Variants in MND1 observed in about 807,000 individuals in gnomAD.
MND1 encodes the protein meiotic nuclear divisions 1.
Under a neutral mutation model 35.1 loss-of-function variants are expected in MND1, and 28 were observed. The observed-to-expected ratio is 0.80, with a 90% confidence interval of 0.59 to 1.09. The LOEUF (loss-of-function observed/expected upper bound fraction) is 1.09, where lower values mean the gene tolerates loss of function less well. MND1 is among the 50% of genes least tolerant of loss of function. MND1 has a pLI of 0.00. For missense variants in MND1, 213 were observed against 239.6 expected (o/e 0.89, Z 0.73); for synonymous variants, 69 against 70.5 (o/e 0.98, Z 0.11).
At chr4:153,379,326 A>AAAAG (rs1393290868) in intron 4 of MND1, among the ~76,000 whole-genome samples, 7 of 110,214 alleles carry the variant, frequency 6.4e-5, no homozygotes, top group African/African-American at 2.7e-4. Flanking sequence ...AGAAGAAAAG[A>AAAAG]AAAAAAAAAA....
At position 153,394,195 on chromosome 4, in the gene MND1, TG is replaced by T. The variant is rs1729135570; in HGVS notation, c.277-66del. 2.7e-6 allele frequency: 4 copies of T among 1,475,788 alleles called. No homozygotes were observed. The Admixed American group carries it at 5.4e-5, about 20-fold the overall frequency. The allele number at this position is 1,475,788 out of a possible 1,614,324, so 91.4% of individuals were successfully genotyped here. A position where few individuals can be genotyped will look rare whatever the true frequency, so the allele number is the denominator to read the frequency against. ...GTGAGCCACTGCACCTGGTGGACTT[TG>T]TTTTCATCAACTACTACATGTCAGT... On this transcript the variant is annotated intron_variant, in intron 4 of 7. Transcript: ENST00000240488.
At chr4:153,368,276 A>G (rs912312024) in intron 4 of MND1, among the ~76,000 whole-genome samples, 1 of 152,082 alleles carries the variant, frequency 6.6e-6, no homozygotes, top group Non-Finnish European at 1.5e-5. Context: ...TCAAGCTCTC[A>G]TTGCTTAAAA....
chr4:153,385,206 T>C (rs191365690), intron 4 of MND1, among the ~76,000 whole-genome samples: 2 of 152,334 alleles, frequency 1.3e-5, no homozygotes, highest in East Asian at 1.9e-4. Flanking sequence ...TTGGACACTT[T>C]GTTGTATGTC....
At chr4:153,375,479 TAAAC>T (rs1728477075) in intron 4 of MND1, among the ~76,000 whole-genome samples, 1 of 152,102 alleles carries the variant, frequency 6.6e-6, no homozygotes, top group Admixed American at 6.6e-5. Context: ...TAACCACAGA[TAAAC>T]AAAGCTTTAA....
intron 4 of MND1, among the ~76,000 whole-genome samples, chr4:153,376,716 CCT>C (rs1195909784): frequency 3.3e-5 from 5 of 152,040 alleles, no homozygotes; most frequent in Non-Finnish European, 5.9e-5. Flanking sequence ...TATTTGTACC[CCT>C]GTCCGTCCCT....
chr4:153,379,862 A>AC (rs1561067485), intron 4 of MND1, among the ~76,000 whole-genome samples: 1 of 148,282 alleles, frequency 6.7e-6, no homozygotes, highest in African/African-American at 2.5e-5. Context: ...AAAAAAAAAA[A>AC]AAAAAAAAAA....
At chr4:153,405,561 CAT>C (rs1278624637) in intron 6 of MND1, among the ~76,000 whole-genome samples, 5 of 151,254 alleles carry the variant, frequency 3.3e-5, no homozygotes, top group Non-Finnish European at 7.4e-5. Flanking sequence ...AAAGAATAGA[CAT>C]ATAGATTAAT....
At chr4:153,410,414 T>A (rs1009143220) in intron 7 of MND1, among the ~76,000 whole-genome samples, 2 of 152,110 alleles carry the variant, frequency 1.3e-5, no homozygotes, top group Non-Finnish European at 2.9e-5. Flanking sequence ...TACAACTTAC[T>A]CCTTCCAGCT....
chr4:153,363,533 C>T (rs947943164), intron 4 of MND1, among the ~76,000 whole-genome samples: 3 of 152,108 alleles, frequency 2.0e-5, no homozygotes, highest in African/African-American at 7.2e-5. Context: ...TTTTATTCAT[C>T]ATTCAAAAAA....
In MND1 at chr4:153,380,904, A is replaced by AG. The variant is rs1290802295; in HGVS notation, c.277-13357dup. 1.7e-4 allele frequency among the ~76,000 whole-genome samples: 23 copies of AG among 138,782 alleles called. 1 individual carries two copies. Among genetic ancestry groups the AG allele is most frequent in the African/African-American group, 6.8e-4 (23 of 33,862 alleles). 91.0% of individuals were successfully genotyped at this position (138,782 alleles called of 152,430 possible). A position where few individuals can be genotyped will look rare whatever the true frequency, so the allele number is the denominator to read the frequency against. On this transcript the variant is annotated intron_variant, in intron 4 of 7. Coordinates refer to ENST00000240488, the MANE Select transcript of MND1 (RefSeq NM_032117.4). ...TGTGTGGTATAACTTAAGACATCAG[A>AG]GTTTTTTTTTTTTAAGGCAGACTGT...
chr4:153,395,307 T>C (rs2149653515), intron 5 of MND1, among the ~76,000 whole-genome samples: 1 of 152,334 alleles, frequency 6.6e-6, no homozygotes, highest in South Asian at 2.1e-4. Flanking sequence ...TGGCAATAAC[T>C]TGTAGAACCA....
At chr4:153,406,991 G>A (rs535985999) in intron 6 of MND1, among the ~76,000 whole-genome samples, 14 of 152,316 alleles carry the variant, frequency 9.2e-5, no homozygotes, top group African/African-American at 3.4e-4. Context: ...GATCTTGTGA[G>A]ACTCATTCAC....
chr4:153,356,561 A>C (rs1773347171), intron 3 of MND1, among the ~76,000 whole-genome samples: 1 of 146,374 alleles, frequency 6.8e-6, no homozygotes, highest in Non-Finnish European at 1.5e-5. Flanking sequence ...TCAAAAAAAA[A>C]AAAAAAAAAA....
chr4:153,391,324 T>C (rs955329764), intron 4 of MND1, among the ~76,000 whole-genome samples: 1 of 152,076 alleles, frequency 6.6e-6, no homozygotes, highest in African/African-American at 2.4e-5. Context: ...CCACCACGAC[T>C]GGCTAATTTT....
chr4:153,359,731 A>C (rs1309618039), intron 4 of MND1, among the ~76,000 whole-genome samples: 1 of 147,004 alleles, frequency 6.8e-6, no homozygotes, highest in Non-Finnish European at 1.5e-5. Flanking sequence ...GTGGTATCTC[A>C]TTGTTGTTTT....
chr4:153,407,418 G>T (rs531918356), intron 6 of MND1, among the ~76,000 whole-genome samples: 2 of 152,004 alleles, frequency 1.3e-5, no homozygotes, highest in African/African-American at 4.8e-5. Flanking sequence ...AGCCAAGACC[G>T]CGCTATTGCA....
chr4:153,390,225 T>C (rs1006806707), intron 4 of MND1, among the ~76,000 whole-genome samples: 39 of 152,214 alleles, frequency 2.6e-4, no homozygotes, highest in African/African-American at 9.4e-4. Context: ...CAAGAGTTGC[T>C]TTCATTGTTT....
chr4:153,406,733 A>G (rs2149658914), intron 6 of MND1, among the ~76,000 whole-genome samples: 1 of 152,360 alleles, frequency 6.6e-6, no homozygotes, highest in Middle Eastern at 3.4e-3. Flanking sequence ...GATGCACAAA[A>G]TCATTAGCAA....
chr4:153,385,452 A>G (rs1353585752), intron 4 of MND1, among the ~76,000 whole-genome samples: 1 of 152,174 alleles, frequency 6.6e-6, no homozygotes, highest in Non-Finnish European at 1.5e-5. Flanking sequence ...ACAGTGGCTC[A>G]TGCCTGTAAT....
Sources: allele counts gnomAD v4.1 joint callset (sites outside exome capture counted in the v4.1 genomes callset), GRCh38; gene constraint gnomAD v4.1.1; transcripts MANE v1.5; gene names NCBI Gene and HGNC (gene_info 2026-07-23, HGNC 2026-07-21).